The following GALNT2 variants were observed in gnomAD, a reference collection of about 807,000 sequenced individuals.
GALNT2 encodes polypeptide N-acetylgalactosaminyltransferase 2.
Under a neutral mutation model 81.4 loss-of-function variants are expected in GALNT2, and 31 were observed. The ratio of observed to expected loss-of-function variants is 0.38; its 90% CI spans 0.29 to 0.51. The LOEUF (loss-of-function observed/expected upper bound fraction) is 0.51, where lower values mean the gene tolerates loss of function less well. Among genes scored for constraint, GALNT2 ranks in the 20% least tolerant of loss-of-function variants. The pLI is 0.87. For synonymous variants in GALNT2, 303 were observed against 287.4 expected, an observed-to-expected ratio of 1.05 and a Z score of -0.55; for missense variants, 629 against 765.7, an observed-to-expected ratio of 0.82 and a Z score of 2.11.
In GALNT2 at chr1:230,249,342, G is replaced by A. The variant is rs547528949; in HGVS notation, c.905+71G>A. The A allele has an allele frequency of 9.6e-5, 133 of 1,388,550 alleles. No homozygotes were observed. The African/African-American group carries it at 1.1e-3, about 11-fold the overall frequency. The allele number at this position is 1,388,550 out of a possible 1,614,324, so 86.0% of individuals were successfully genotyped here. On this transcript the variant is annotated intron_variant, in intron 9 of 15. Coordinates refer to ENST00000366672, the MANE Select transcript of GALNT2 (RefSeq NM_004481.5). The stretch of plus-strand genomic sequence containing the variant: ...AGGTTCCAGCTTCTTTGCTGGGCCC[G>A]CACCGCCTGGAGACCCAGTGGGGGC...
chr1:230,251,356 A>C (rs948124951), intron 10 of GALNT2, among the ~76,000 whole-genome samples: 2 of 152,088 alleles, frequency 1.3e-5, no homozygotes, highest in Admixed American at 1.3e-4. Context: ...AAATGAGGCC[A>C]CTCATTTTTA....
intron 3 of GALNT2, among the ~76,000 whole-genome samples, chr1:230,215,862 T>A (rs1664375205): frequency 6.6e-6 from 1 of 152,218 alleles, no homozygotes; most frequent in African/African-American, 2.4e-5. Flanking sequence ...ATATAGTGAC[T>A]AGTGGCTTGT....
intron 1 of GALNT2, among the ~76,000 whole-genome samples, chr1:230,087,520 G>A (rs1659935333): frequency 6.6e-6 from 1 of 152,158 alleles, no homozygotes; most frequent in African/African-American, 2.4e-5. Flanking sequence ...CTGGCTGTAC[G>A]TTAGGAACAC....
At position 230,067,328 on chromosome 1, in the gene GALNT2, G is replaced by T. The variant is rs1317345275; in HGVS notation, c.48G>T (p.Val16=). 4 of 1,390,468 alleles carry T rather than the reference G, an allele frequency of 2.9e-6. No individual in the cohort carries two copies. The highest frequency in any genetic ancestry group is 3.8e-6 in the Non-Finnish European group (4 of 1,059,298). 86.1% of individuals were successfully genotyped at this position (1,390,468 alleles called of 1,614,324 possible). ...RMLLCFAFLW[V]LGIAYYMYSG... ...TGCTCTGCTTCGCCTTCCTGTGGGT[G>T]CTGGGCATCGCCTACTACATGTACT... The change falls in exon 1 of 16, where the codon GTG becomes GTT. Residue 16 remains valine (V), a synonymous_variant. Coordinates refer to ENST00000366672, the MANE Select transcript of GALNT2 (RefSeq NM_004481.5).
intron 2 of GALNT2, among the ~76,000 whole-genome samples, chr1:230,197,986 C>G (rs1032870223): frequency 2.0e-5 from 3 of 152,102 alleles, no homozygotes; most frequent in African/African-American, 7.2e-5. Flanking sequence ...TGCAAACGAG[C>G]GAAAGAGGCG....
chr1:230,208,819 T>C (rs1664144128), intron 3 of GALNT2, among the ~76,000 whole-genome samples: 1 of 152,144 alleles, frequency 6.6e-6, no homozygotes, highest in South Asian at 2.1e-4. Context: ...TTCTCAGCCT[T>C]GAGCTGTGCC....
intron 1 of GALNT2, among the ~76,000 whole-genome samples, chr1:230,164,528 T>A (rs1283613566): frequency 1.4e-5 from 2 of 139,428 alleles, no homozygotes; most frequent in Non-Finnish European, 3.1e-5. Flanking sequence ...GCACGGTCTC[T>A]GGGCCCTTTT....
intron 1 of GALNT2, among the ~76,000 whole-genome samples, chr1:230,115,430 C>T (rs1660816867): frequency 6.6e-6 from 1 of 152,216 alleles, no homozygotes; most frequent in African/African-American, 2.4e-5. Context: ...TTTCCTAGTG[C>T]ATACAAAGTT....
intron 1 of GALNT2, among the ~76,000 whole-genome samples, chr1:230,148,617 G>A (rs1016146000): frequency 6.6e-6 from 1 of 152,040 alleles, no homozygotes; most frequent in Non-Finnish European, 1.5e-5. Flanking sequence ...TTTGAGACAA[G>A]GTTTGTTGCC....
Position 230,217,658 on chromosome 1 carries a change from G to A in GALNT2, c.374+14368G>A, listed in dbSNP as rs150056240. On this transcript the variant is annotated intron_variant, in intron 3 of 15. Coordinates refer to ENST00000366672, the MANE Select transcript of GALNT2 (RefSeq NM_004481.5). ...TTGGGAAGTCCAAGATCTTTAAGCTGGCAGGGCTCACATTGTCTGGTGAGA... is the reference window on the plus strand; with the variant it reads ...TTGGGAAGTCCAAGATCTTTAAGCTAGCAGGGCTCACATTGTCTGGTGAGA... Among the ~76,000 whole-genome samples, 88 of 152,316 alleles carry A rather than the reference G, an allele frequency of 5.8e-4. 1 individual carries two copies. Among genetic ancestry groups the A allele is most frequent in the Non-Finnish European group, 9.8e-4 (67 of 68,024 alleles).
At chr1:230,083,132 G>A (rs1571940482) in intron 1 of GALNT2, among the ~76,000 whole-genome samples, 1 of 149,248 alleles carries the variant, frequency 6.7e-6, no homozygotes, top group Non-Finnish European at 1.5e-5. Flanking sequence ...GGAGCAGGGA[G>A]CCTAGATGAT....
intron 11 of GALNT2, among the ~76,000 whole-genome samples, chr1:230,256,303 G>A (rs555479443): frequency 9.9e-5 from 15 of 152,174 alleles, no homozygotes; most frequent in South Asian, 2.1e-4. Flanking sequence ...AAAATTAACC[G>A]GGCATAGTGG....
At chr1:230,159,651 G>C (rs1034068892) in intron 1 of GALNT2, among the ~76,000 whole-genome samples, 1 of 152,164 alleles carries the variant, frequency 6.6e-6, no homozygotes, top group African/African-American at 2.4e-5. Context: ...AGATCACCCC[G>C]AGCCGTTGTG....
At chr1:230,229,496 T>A (rs980787369) in intron 3 of GALNT2, among the ~76,000 whole-genome samples, 1 of 152,148 alleles carries the variant, frequency 6.6e-6, no homozygotes, top group African/African-American at 2.4e-5. Flanking sequence ...TGACACTAGG[T>A]CCAGCCACTT....
rs541267110 is a variant in GALNT2 at position 230,219,310 on chromosome 1, G to A, written c.374+16020G>A. Among the ~76,000 whole-genome samples the A allele has an allele frequency of 4.6e-5, 7 of 152,092 alleles. No individual in the cohort carries two copies. In the South Asian group the frequency reaches 1.5e-3, roughly 32 times the overall value. ...CATATAAGTGTCACCTGTTGAAGTT[G>A]GAAAATTCCCCGTATGTTGCTCTGG... On this transcript the variant is annotated intron_variant, in intron 3 of 15. Coordinates refer to ENST00000366672, the MANE Select transcript of GALNT2 (RefSeq NM_004481.5).
rs548116538 is a variant in GALNT2, at chr1:230,114,329, A to G, written c.126+46923A>G. The stretch of plus-strand genomic sequence containing the variant: ...CTTGTGAAGGAATCTTCCTAAGTCA[A>G]TTTTCCCTGGTGAAGACTGAGCCCT... On this transcript the variant is annotated intron_variant, in intron 1 of 15. Coordinates refer to ENST00000366672, the MANE Select transcript of GALNT2 (RefSeq NM_004481.5). Among the ~76,000 whole-genome samples, 9 of 152,066 alleles carry G rather than the reference A, an allele frequency of 5.9e-5. 1 individual carries two copies. The highest frequency in any genetic ancestry group is 5.8e-4 in the East Asian group (3 of 5,170).
chr1:230,175,589 C>T (rs1483462105), intron 1 of GALNT2, among the ~76,000 whole-genome samples: 3 of 102,486 alleles, frequency 2.9e-5, no homozygotes, highest in Admixed American at 9.4e-5. Flanking sequence ...CTCCCCTCCT[C>T]GTCCCCTCCT....
rs1046572469 is a variant in GALNT2, at chr1:230,279,488, T to C, written c.*30T>C. 1 of 1,605,304 alleles carries C rather than the reference T, an allele frequency of 6.2e-7. No homozygotes were observed. Among genetic ancestry groups the C allele is most frequent in the African/African-American group, 1.3e-5 (1 of 74,850 alleles). Reference sequence around the variant, plus strand: ...GTCCGGGAGGCCCTGCCGTCCTGTCTCCTGCACCATTGGGTGGAGTCTGGT... The same window carrying C: ...GTCCGGGAGGCCCTGCCGTCCTGTCCCCTGCACCATTGGGTGGAGTCTGGT... On this transcript the variant is annotated 3_prime_UTR_variant, in exon 16 of 16. Transcript: ENST00000366672. The surrounding 1 kb of genome is among the most constrained non-coding windows in gnomAD (Gnocchi z 4.6).
At chr1:230,173,067 G>A (rs962013630) in intron 1 of GALNT2, among the ~76,000 whole-genome samples, 2 of 152,124 alleles carry the variant, frequency 1.3e-5, no homozygotes, top group African/African-American at 4.8e-5. Flanking sequence ...GAGGTTTTAG[G>A]ATACATAATT....
Sources: gnomAD v4.1 joint callset for allele counts (sites outside exome capture counted in the v4.1 genomes callset) on GRCh38, gnomAD v4.1.1 for gene constraint, Gnocchi (gnomAD v3.1) non-coding constraint, MANE v1.5 for transcripts, NCBI Gene and HGNC (gene_info 2026-07-23, HGNC 2026-07-21) for gene names.